The following KLHL32 variants were observed in gnomAD, a reference collection of about 807,000 sequenced individuals.
The protein encoded by KLHL32 is kelch like family member 32, also known as kelch-like protein 32.
KLHL32 carries 35 observed loss-of-function variants against 64.8 expected under a neutral mutation model. The observed-to-expected ratio is 0.54, with a 90% CI of 0.41 to 0.72. The LOEUF (loss-of-function observed/expected upper bound fraction) is 0.72, where lower values mean the gene tolerates loss of function less well. KLHL32 is among the 30% of genes least tolerant of loss of function. KLHL32 has a pLI of 0.00. For synonymous variants in KLHL32, 259 were observed against 281.0 expected (o/e 0.92, Z 0.78); for missense variants, 589 against 768.5 (o/e 0.77, Z 2.76).
chr6:97,003,115 C>T (rs1007912485), intron 3 of KLHL32, among the ~76,000 whole-genome samples: 1 of 152,192 alleles, frequency 6.6e-6, no homozygotes, highest in Non-Finnish European at 1.5e-5. Context: ...TTCCTACCAG[C>T]AGTGTATAAG....
At chr6:97,092,694 C>T (rs531631284) in intron 6 of KLHL32, among the ~76,000 whole-genome samples, 1 of 152,308 alleles carries the variant, frequency 6.6e-6, no homozygotes, top group Non-Finnish European at 1.5e-5. Context: ...TATATTTAAT[C>T]TTTCCTTCTA....
chr6:97,023,086 C>G (rs1454095605), intron 3 of KLHL32, among the ~76,000 whole-genome samples: 1 of 152,186 alleles, frequency 6.6e-6, no homozygotes, highest in East Asian at 1.9e-4. Flanking sequence ...CACCTCCCAC[C>G]AGGTCTCTCC....
the KLHL32 span, among the ~76,000 whole-genome samples, chr6:96,915,563 TG>T: frequency 6.6e-6 from 1 of 152,152 alleles, no homozygotes; most frequent in Non-Finnish European, 1.5e-5. Context: ...GCACTGATCT[TG>T]GGAGATAAAA....
At chr6:97,130,621 A>G in intron 8 of KLHL32, 136 bp from the exon 9 acceptor site, 1 of 624,912 alleles carries the variant, frequency 1.6e-6, no homozygotes, top group Non-Finnish European at 2.6e-6. Flanking sequence ...TTCAATATAT[A>G]TAAACAACAT....
intron 3 of KLHL32, among the ~76,000 whole-genome samples, chr6:97,024,481 T>G (rs1782445341): frequency 6.6e-6 from 1 of 152,128 alleles, no homozygotes; most frequent in African/African-American, 2.4e-5. Context: ...GATTTCCTTT[T>G]GTCAATTCAA....
intron 5 of KLHL32, among the ~76,000 whole-genome samples, chr6:97,073,444 A>G (rs1791079871): frequency 6.6e-6 from 1 of 152,190 alleles, no homozygotes; most frequent in Admixed American, 6.5e-5. Context: ...AAGCAACACA[A>G]TACATGGTAT....
chr6:97,078,056 C>T (rs1791882448), intron 5 of KLHL32, among the ~76,000 whole-genome samples: 1 of 152,158 alleles, frequency 6.6e-6, no homozygotes, highest in Non-Finnish European at 1.5e-5. Context: ...ATCCTACTTG[C>T]TACTTGGTCC....
chr6:96,964,248 G>A (rs1343210911), intron 1 of KLHL32, among the ~76,000 whole-genome samples: 2 of 152,212 alleles, frequency 1.3e-5, no homozygotes, highest in African/African-American at 4.8e-5. Flanking sequence ...ATCCATGTGC[G>A]AGGCATGGGA....
At chr6:97,131,087 G>A (rs773119830) in intron 9 of KLHL32, 138 bp downstream of exon 9, 1 of 730,154 alleles carries the variant, frequency 1.4e-6, no homozygotes, top group Non-Finnish European at 2.2e-6. Flanking sequence ...CCAGAAAGGT[G>A]TGTATCATTT....
chr6:96,928,294 C>T (rs1769411378), intron 1 of KLHL32, among the ~76,000 whole-genome samples: 1 of 152,086 alleles, frequency 6.6e-6, no homozygotes, highest in African/African-American at 2.4e-5. Flanking sequence ...AGATGGGAGT[C>T]TCCACCAGAC....
At chr6:97,062,502 G>A (rs1307888621) in intron 4 of KLHL32, 1 of 152,222 alleles carries the variant, frequency 6.6e-6, no homozygotes, top group Admixed American at 6.5e-5. Flanking sequence ...AATAAGATGA[G>A]TGTTGGTATT....
At chr6:96,984,186 A>G (rs7749036) in intron 3 of KLHL32, among the ~76,000 whole-genome samples, 48,856 of 152,046 alleles carry the variant, frequency 0.32, 8,663 homozygotes, top group African/African-American at 0.48. Context: ...GTAGTTGAGC[A>G]GTTTCGAGTC....
chr6:97,066,595 C>A (rs1789789004), intron 5 of KLHL32, among the ~76,000 whole-genome samples: 1 of 152,024 alleles, frequency 6.6e-6, no homozygotes, highest in South Asian at 2.1e-4. Context: ...TTTACTTTTT[C>A]TTTTTATCTG....
intron 4 of KLHL32, among the ~76,000 whole-genome samples, chr6:97,047,116 C>T (rs1377582184): frequency 6.6e-6 from 1 of 152,182 alleles, no homozygotes; most frequent in Non-Finnish European, 1.5e-5. Context: ...AAAGTGTAGC[C>T]TTCTTAAAAT....
chr6:96,923,665 A>G (rs1394392604), upstream of KLHL32, among the ~76,000 whole-genome samples: 2 of 152,258 alleles, frequency 1.3e-5, no homozygotes, highest in Non-Finnish European at 2.9e-5. Context: ...AAAATAGATC[A>G]GGGCACTGTT....
chr6:97,135,929 A>G (rs1799956623), intron 10 of KLHL32, among the ~76,000 whole-genome samples: 1 of 152,198 alleles, frequency 6.6e-6, no homozygotes, highest in African/African-American at 2.4e-5. Flanking sequence ...AGATGATGGG[A>G]GACTGGAATA....
intron 2 of KLHL32, among the ~76,000 whole-genome samples, chr6:96,968,707 G>A (rs760506035): frequency 3.3e-5 from 5 of 152,056 alleles, no homozygotes; most frequent in Non-Finnish European, 4.4e-5. Flanking sequence ...GTGCCATGTG[G>A]AAGTGTCACA....
chr6:97,050,304 GA>G (rs1490772253), intron 4 of KLHL32, among the ~76,000 whole-genome samples: 1 of 152,162 alleles, frequency 6.6e-6, no homozygotes, highest in African/African-American at 2.4e-5. Context: ...TTTGGATGTT[GA>G]GACTGATAAT....
intron 3 of KLHL32, among the ~76,000 whole-genome samples, chr6:96,986,291 G>T (rs1031891392): frequency 6.6e-6 from 1 of 152,154 alleles, no homozygotes; most frequent in African/African-American, 2.4e-5. Context: ...TAATGGGGGG[G>T]GCCTCCCAGT....
Sources: allele counts gnomAD v4.1 joint callset (sites outside exome capture counted in the v4.1 genomes callset), GRCh38; gene constraint gnomAD v4.1.1; transcripts MANE v1.5; gene names NCBI Gene and HGNC (gene_info 2026-07-23, HGNC 2026-07-21).